Variants in VWA8 observed in about 807,000 individuals in gnomAD.
The protein encoded by VWA8 is von Willebrand factor A domain-containing protein 8.
In VWA8, 221 loss-of-function variants were observed where a neutral mutation model predicts 241.5. That is an observed-to-expected ratio of 0.91 (90% CI 0.82 to 1.02). VWA8 has a LOEUF of 1.02. Ranked by LOEUF, VWA8 falls within the 50% of genes least tolerant of loss-of-function variation. The pLI, the probability that VWA8 is intolerant of heterozygous loss-of-function variation, is 0.00. For missense variants in VWA8, 2,322 were observed against 2,328.7 expected, an observed-to-expected ratio of 1.00 and a Z score of 0.06; for synonymous variants, 852 against 827.1, an observed-to-expected ratio of 1.03 and a Z score of -0.52.
intron 21 of VWA8, among the ~76,000 whole-genome samples, chr13:41,750,960 C>T (rs1204697069): frequency 6.6e-6 from 1 of 151,290 alleles, no homozygotes; most frequent in Non-Finnish European, 1.5e-5. Flanking sequence ...ATGTATGAAG[C>T]TAGCTGTGTG....
At chr13:41,793,867 A>C (rs182505750) in intron 17 of VWA8, among the ~76,000 whole-genome samples, 219 of 152,336 alleles carry the variant, frequency 1.4e-3, no homozygotes, top group African/African-American at 5.0e-3. Context: ...GTGGCTAGCC[A>C]GTTCTCCCAG....
intron 37 of VWA8, among the ~76,000 whole-genome samples, chr13:41,638,930 G>A (rs951303666): frequency 6.6e-6 from 1 of 152,170 alleles, no homozygotes; most frequent in Admixed American, 6.5e-5. Context: ...CTGAGCAGGA[G>A]GGAGGAAAGA....
chr13:41,921,235 C>A (rs141524262), intron 2 of VWA8, among the ~76,000 whole-genome samples: 1 of 152,202 alleles, frequency 6.6e-6, no homozygotes, highest in African/African-American at 2.4e-5. Context: ...CAAAATTCAA[C>A]AGCCCTTCAT....
chr13:41,786,444 G>A (rs1869190550), intron 18 of VWA8, among the ~76,000 whole-genome samples: 1 of 152,106 alleles, frequency 6.6e-6, no homozygotes, highest in Non-Finnish European at 1.5e-5. Flanking sequence ...CAAGTAAAAA[G>A]TCTCTTCACT....
At chr13:41,866,375 ATG>A (rs1389908866) in intron 10 of VWA8, among the ~76,000 whole-genome samples, 107 of 145,834 alleles carry the variant, frequency 7.3e-4, no homozygotes, top group African/African-American at 2.5e-3. Context: ...ATATATATAT[ATG>A]TGTGTGTGTG....
Position 41,568,300 on chromosome 13 carries a change from T to G in VWA8, c.5615A>C (p.Gln1872Pro). ...GSLGDQATRLQRTLPAGRSFV... is the reference protein window; with the variant it reads ...GSLGDQATRLPRTLPAGRSFV... ...AGACCGACCAGCTGGTAAAGTTCTC[T>G]GAAGCCTGCCAGGATGGAAAGGGAA... is the stretch of plus-strand genomic sequence containing the variant. The change falls in exon 45 of 45, where the codon CAG becomes CCG. Residue 1872 changes from glutamine (Q) to proline (P), a missense_variant. By Grantham distance (76) the Gln-to-Pro change is moderately conservative. Coordinates refer to ENST00000379310, the MANE Select transcript of VWA8 (RefSeq NM_015058.2). 1 of 1,614,036 alleles carries G rather than the reference T, an allele frequency of 6.2e-7. No individual in the cohort carries two copies. The highest frequency in any genetic ancestry group is 1.3e-5 in the African/African-American group (1 of 75,054).
chr13:41,572,797 TAAA>T (rs869088660), intron 43 of VWA8, among the ~76,000 whole-genome samples: 19,919 of 67,764 alleles, frequency 0.29, 1,873 homozygotes, highest in Admixed American at 0.41. Flanking sequence ...CAATAAATAC[TAAA>T]AAAAAAAAAA....
chr13:41,621,459 G>A (rs1013275255), intron 37 of VWA8, among the ~76,000 whole-genome samples: 10 of 152,158 alleles, frequency 6.6e-5, no homozygotes, highest in African/African-American at 1.9e-4. Flanking sequence ...AATTCTAAAA[G>A]AGAAGTTCCA....
chr13:41,879,164 TC>T (rs1874046905), intron 9 of VWA8, among the ~76,000 whole-genome samples: 1 of 152,122 alleles, frequency 6.6e-6, no homozygotes, highest in Admixed American at 6.5e-5. Flanking sequence ...GTTGATTAAA[TC>T]AAAGATAAGT....
chr13:41,826,653 T>C (rs1054107042), intron 14 of VWA8, among the ~76,000 whole-genome samples: 1 of 152,206 alleles, frequency 6.6e-6, no homozygotes, highest in South Asian at 2.1e-4. Context: ...GAGGATCCCT[T>C]GAGGCCAGCA....
intron 28 of VWA8, among the ~76,000 whole-genome samples, chr13:41,700,106 A>G (rs1037875779): frequency 1.1e-4 from 17 of 152,140 alleles, no homozygotes; most frequent in Admixed American, 2.0e-4. Context: ...TGCATAATGA[A>G]TGGTATCAGC....
intron 42 of VWA8, among the ~76,000 whole-genome samples, chr13:41,584,103 C>T (rs775193180): frequency 1.1e-4 from 16 of 152,058 alleles, no homozygotes; most frequent in African/African-American, 2.7e-4. Flanking sequence ...TGAGGCAAAA[C>T]GGTAACAATT....
intron 34 of VWA8, among the ~76,000 whole-genome samples, chr13:41,686,194 T>C (rs9566821): frequency 0.034 from 5,101 of 152,252 alleles, 150 homozygotes; most frequent in East Asian, 0.098. Flanking sequence ...TACATGGTCT[T>C]AGTTACTGAA....
intron 39 of VWA8, among the ~76,000 whole-genome samples, chr13:41,606,786 T>C (rs1037960959): frequency 2.0e-5 from 3 of 152,160 alleles, no homozygotes; most frequent in Non-Finnish European, 4.4e-5. Flanking sequence ...TGGGGCAGAC[T>C]GACATTCCTG....
At chr13:41,828,356 CAG>C (rs1335330074) in intron 14 of VWA8, among the ~76,000 whole-genome samples, 1 of 152,154 alleles carries the variant, frequency 6.6e-6, no homozygotes, top group Non-Finnish European at 1.5e-5. Context: ...TTCAATTAAA[CAG>C]AGAGATTAAG....
chr13:41,623,119 T>C (rs1229522252), intron 37 of VWA8, among the ~76,000 whole-genome samples: 2 of 152,286 alleles, frequency 1.3e-5, no homozygotes, highest in South Asian at 4.2e-4. Flanking sequence ...AAAGAAGAGA[T>C]GGTTGTGAGA....
chr13:41,612,122 C>T (rs1032805739), intron 38 of VWA8, among the ~76,000 whole-genome samples: 2 of 152,174 alleles, frequency 1.3e-5, no homozygotes, highest in Non-Finnish European at 1.5e-5. Flanking sequence ...ATCATAGATA[C>T]TTAGTATATA....
intron 37 of VWA8, among the ~76,000 whole-genome samples, chr13:41,623,058 G>A (rs1009620858): frequency 6.6e-6 from 1 of 152,192 alleles, no homozygotes; most frequent in African/African-American, 2.4e-5. Flanking sequence ...CACGTGGTCT[G>A]AGACGTGAGG....
At chr13:41,838,361 T>A (rs569528981) in intron 12 of VWA8, among the ~76,000 whole-genome samples, 1 of 152,182 alleles carries the variant, frequency 6.6e-6, no homozygotes, top group East Asian at 1.9e-4. Context: ...TATAGTACAT[T>A]GTTAGTGTGT....
Sources: allele counts gnomAD v4.1 joint callset (sites outside exome capture counted in the v4.1 genomes callset), GRCh38; gene constraint gnomAD v4.1.1; transcripts MANE v1.5; gene names NCBI Gene and HGNC (gene_info 2026-07-23, HGNC 2026-07-21).